PARD3B: variants seen among roughly 807,000 people sequenced by gnomAD.
PARD3B encodes par-3 family cell polarity regulator beta.
Under a neutral mutation model 130.2 loss-of-function variants are expected in PARD3B, and 103 were observed. The observed-to-expected ratio is 0.79, with a 90% CI of 0.67 to 0.93. PARD3B has a LOEUF of 0.93. Ranked by LOEUF, PARD3B falls within the 40% of genes least tolerant of loss-of-function variation. The pLI is 0.00. For missense variants in PARD3B, 1,609 were observed against 1,499.2 expected (o/e 1.07, Z -1.21); for synonymous variants, 583 against 553.2 (o/e 1.05, Z -0.76).
intron 19 of PARD3B, among the ~76,000 whole-genome samples, chr2:205,425,006 T>A (rs1305907930): frequency 6.6e-6 from 1 of 152,218 alleles, no homozygotes; most frequent in Non-Finnish European, 1.5e-5. Flanking sequence ...ATCAACAAGT[T>A]ACAAATTTTA....
At chr2:205,349,800 C>CTTTT (rs11417800) in intron 18 of PARD3B, among the ~76,000 whole-genome samples, 16 of 102,228 alleles carry the variant, frequency 1.6e-4, no homozygotes, top group Admixed American at 1.0e-3. Flanking sequence ...TTCTTTTTCT[C>CTTTT]TTTTTTTTTT....
intron 1 of PARD3B, among the ~76,000 whole-genome samples, chr2:204,668,871 C>T (rs942532245): frequency 2.0e-5 from 3 of 152,096 alleles, no homozygotes; most frequent in African/African-American, 7.2e-5. Flanking sequence ...AGTGTAATCA[C>T]AGGGGTCTTT....
At chr2:205,261,473 A>G (rs1057220667) in intron 16 of PARD3B, among the ~76,000 whole-genome samples, 2 of 152,188 alleles carry the variant, frequency 1.3e-5, no homozygotes, top group East Asian at 1.9e-4. Flanking sequence ...TAGAGCACAC[A>G]TGAAGCCAGA....
At chr2:205,573,703 G>A (rs1157336081) in intron 22 of PARD3B, among the ~76,000 whole-genome samples, 2 of 152,090 alleles carry the variant, frequency 1.3e-5, no homozygotes, top group African/African-American at 2.4e-5. Context: ...AAATTGATGG[G>A]AAACAAACTG....
intron 20 of PARD3B, among the ~76,000 whole-genome samples, chr2:205,457,091 G>C (rs932691648): frequency 1.3e-5 from 2 of 151,692 alleles, no homozygotes; most frequent in Non-Finnish European, 2.9e-5. Context: ...ACATTTGTTA[G>C]AATTTTCCAG....
intron 1 of PARD3B, among the ~76,000 whole-genome samples, chr2:204,663,204 C>G (rs1207055591): frequency 6.6e-6 from 1 of 152,148 alleles, no homozygotes; most frequent in Admixed American, 6.5e-5. Flanking sequence ...ACAGCTGGCT[C>G]GTACCTGCTG....
At chr2:204,560,040 G>T (rs1475033383) in intron 1 of PARD3B, among the ~76,000 whole-genome samples, 1 of 152,082 alleles carries the variant, frequency 6.6e-6, no homozygotes, top group Non-Finnish European at 1.5e-5. Flanking sequence ...GCCTGTTGTG[G>T]GGTGGGGGGT....
rs568384461 is a variant in PARD3B at position 205,375,616 on chromosome 2, A to G, written c.2631-25397A>G. 3.3e-5 allele frequency among the ~76,000 whole-genome samples: 5 copies of G among 152,278 alleles called. 1 individual carries two copies. Among genetic ancestry groups the G allele is most frequent in the African/African-American group, 1.2e-4 (5 of 41,558 alleles). On this transcript the variant is annotated intron_variant, in intron 18 of 22. Coordinates refer to ENST00000406610, the MANE Select transcript of PARD3B (RefSeq NM_001302769.2). The stretch of plus-strand genomic sequence containing the variant: ...GGAGACTTTTGGAAAATCCCAGAGA[A>G]CACAAGGGCCTGCTCAAAGGCACTG...
intron 20 of PARD3B, among the ~76,000 whole-genome samples, chr2:205,495,515 A>G (rs1038090560): frequency 6.6e-6 from 1 of 152,214 alleles, no homozygotes; most frequent in Non-Finnish European, 1.5e-5. Flanking sequence ...TATGGTTTCA[A>G]TAGTATTTGA....
intron 4 of PARD3B, among the ~76,000 whole-genome samples, chr2:205,085,777 T>G (rs959843214): frequency 6.6e-6 from 1 of 152,144 alleles, no homozygotes; most frequent in African/African-American, 2.4e-5. Flanking sequence ...TATATTTACA[T>G]TTTAATTATA....
chr2:204,712,185 T>C (rs1001516838), intron 2 of PARD3B, among the ~76,000 whole-genome samples: 2 of 152,204 alleles, frequency 1.3e-5, no homozygotes, highest in African/African-American at 4.8e-5. Flanking sequence ...AAGAAAATGA[T>C]TAACAAAAAT....
chr2:204,776,441 A>C (rs2041625608), intron 2 of PARD3B, among the ~76,000 whole-genome samples: 1 of 152,148 alleles, frequency 6.6e-6, no homozygotes, highest in African/African-American at 2.4e-5. Flanking sequence ...ATAAGCACAG[A>C]ATAGATTATT....
intron 18 of PARD3B, among the ~76,000 whole-genome samples, chr2:205,350,931 A>T (rs1452132012): frequency 6.6e-6 from 1 of 152,182 alleles, no homozygotes; most frequent in Non-Finnish European, 1.5e-5. Context: ...TTAATTACTT[A>T]GTTCAAGTTA....
intron 2 of PARD3B, among the ~76,000 whole-genome samples, chr2:204,756,274 G>T (rs143945713): frequency 6.6e-6 from 1 of 152,072 alleles, no homozygotes; most frequent in African/African-American, 2.4e-5. Context: ...GGCATGATCA[G>T]TTGGTGTTTC....
chr2:204,911,732 G>A (rs2047244311), intron 2 of PARD3B, among the ~76,000 whole-genome samples: 1 of 152,188 alleles, frequency 6.6e-6, no homozygotes, highest in African/African-American at 2.4e-5. Flanking sequence ...TCTGCCCATA[G>A]CAACAATTCA....
At chr2:204,572,292 A>G (rs2032046381) in intron 1 of PARD3B, among the ~76,000 whole-genome samples, 1 of 152,168 alleles carries the variant, frequency 6.6e-6, no homozygotes, top group South Asian at 2.1e-4. Flanking sequence ...GAGGGGATAA[A>G]AAGAGAAGCT....
At chr2:205,112,640 G>C (rs994223773) in intron 5 of PARD3B, among the ~76,000 whole-genome samples, 1 of 151,890 alleles carries the variant, frequency 6.6e-6, no homozygotes, top group Admixed American at 6.6e-5. Flanking sequence ...TGGGATTAAC[G>C]GAGCCAGTAA....
intron 18 of PARD3B, among the ~76,000 whole-genome samples, chr2:205,345,365 A>G (rs1279912071): frequency 6.6e-6 from 1 of 152,216 alleles, no homozygotes; most frequent in East Asian, 1.9e-4. Flanking sequence ...GTCTTCAGAA[A>G]AATGGATGTC....
chr2:205,526,005 A>G lies in PARD3B; in HGVS notation c.3180+25974A>G, dbSNP rs1054733172. On this transcript the variant is annotated intron_variant, in intron 21 of 22. Coordinates refer to ENST00000406610, the MANE Select transcript of PARD3B (RefSeq NM_001302769.2). ...TCTGGGGCTCCATGTCCTTATCAGT[A>G]TCAGACTTCCACTGAGGCTGCTGTC... Among the ~76,000 whole-genome samples the G allele has an allele frequency of 3.9e-5, 6 of 152,352 alleles. No individual in the cohort carries two copies. The East Asian group carries it at 1.2e-3, about 29-fold the overall frequency.
Sources: gnomAD v4.1 joint callset for allele counts (sites outside exome capture counted in the v4.1 genomes callset) on GRCh38, gnomAD v4.1.1 for gene constraint, MANE v1.5 for transcripts, NCBI Gene and HGNC (gene_info 2026-07-23, HGNC 2026-07-21) for gene names.